SMOX: variants seen among roughly 807,000 people sequenced by gnomAD.
SMOX encodes the protein flavin containing amine oxidase.
SMOX carries 22 observed loss-of-function variants against 51.0 expected under a neutral mutation model. That is an observed-to-expected ratio of 0.43 (90% CI 0.31 to 0.62). The LOEUF is 0.62. SMOX is among the 20% of genes least tolerant of loss of function. The pLI is 0.10. For missense variants in SMOX, 566 were observed against 777.7 expected (o/e 0.73, Z 3.24); for synonymous variants, 282 against 307.8 (o/e 0.92, Z 0.88).
In SMOX at chr20:4,182,382, G is replaced by A; in HGVS notation, c.903G>A (p.Arg301=). ...GTGGCCAGGGTGGAGAGGAGCCCCG[G>A]GGGGGCAGGTGGGATGAGGATGAGC... The part of the protein sequence containing the change: ...GEGGQGGEEP[R]GGRWDEDEQW... The change falls in exon 5 of 7, where the codon CGG becomes CGA. Residue 301 remains arginine, a synonymous_variant. Transcript: ENST00000305958. This position sits in a 1 kb window ranked among gnomAD's most constrained non-coding sequence, Gnocchi z 8.4. 1 of 1,597,802 alleles carries A rather than the reference G, an allele frequency of 6.3e-7. No individual in the cohort carries two copies. The highest frequency in any genetic ancestry group is 8.5e-7 in the Non-Finnish European group (1 of 1,170,730).
rs1028759423 is a variant in SMOX, at chr20:4,159,268, C to T, written c.-27+10291C>T. ...CTAGGATTACAGGTGCCTGCCACCACGCCCGGCTAATTTTGGTATTTTTAG... is the reference window on the plus strand; with the variant it reads ...CTAGGATTACAGGTGCCTGCCACCATGCCCGGCTAATTTTGGTATTTTTAG... On this transcript the variant is annotated intron_variant, in intron 1 of 6. Transcript: ENST00000305958. Among the ~76,000 whole-genome samples, 7 of 152,112 alleles carry T rather than the reference C, an allele frequency of 4.6e-5. No individual in the cohort carries two copies. In the South Asian group the frequency reaches 1.0e-3, roughly 23 times the overall value.
chr20:4,181,913 T>C lies in SMOX; in HGVS notation c.546T>C (p.Asn182=). ...TREEVRNRIR[N]DPDDPEATKR... is the part of the protein sequence containing the mutation. The stretch of plus-strand genomic sequence containing the variant: ...AGGAGGTGCGTAACCGCATCAGGAA[T>C]GACCCTGACGACCCAGAGGCTACCA... Residue 182 remains asparagine, a synonymous_variant, in exon 4 of 7, where the codon AAT becomes AAC. Transcript: ENST00000305958. This position sits in a 1 kb window ranked among gnomAD's most constrained non-coding sequence, Gnocchi z 5.6. The C allele has an allele frequency of 6.2e-7, 1 of 1,614,140 alleles. No individual in the cohort carries two copies. The highest frequency in any genetic ancestry group is 8.5e-7 in the Non-Finnish European group (1 of 1,180,032).
rs1170136987 is a variant in SMOX at position 4,149,138 on chromosome 20, G to C, written c.-27+161G>C. ...GGCCAGCGCGGCGCTCGGGCGCTCG[G>C]GCGGGGGTGCGGGGCGTTCCGGGAG... is the stretch of plus-strand genomic sequence containing the variant. On this transcript the variant is annotated intron_variant, in intron 1 of 6. Coordinates refer to ENST00000305958, the MANE Select transcript of SMOX (RefSeq NM_175839.3). This position sits in a 1 kb window ranked among gnomAD's most constrained non-coding sequence, Gnocchi z 6.0. 6.7e-6 allele frequency among the ~76,000 whole-genome samples: 1 copy of C among 149,106 alleles called. No individual in the cohort carries two copies.
At chr20:4,164,873 G>A (rs938548020) in intron 1 of SMOX, among the ~76,000 whole-genome samples, 4 of 151,998 alleles carry the variant, frequency 2.6e-5, no homozygotes, top group Admixed American at 1.3e-4. Flanking sequence ...ATTCACCAGG[G>A]CAGTGACCGG....
At chr20:4,176,512 C>T (rs758909056) in intron 2 of SMOX, among the ~76,000 whole-genome samples, 1 of 152,152 alleles carries the variant, frequency 6.6e-6, no homozygotes, top group Non-Finnish European at 1.5e-5. Flanking sequence ...TGAAGCAGGC[C>T]TGCAAAAACA....
At chr20:4,164,707 A>C (rs559562484) in intron 1 of SMOX, among the ~76,000 whole-genome samples, 1 of 152,210 alleles carries the variant, frequency 6.6e-6, no homozygotes, top group Admixed American at 6.5e-5. Context: ...CAGGGCTGAT[A>C]CCTTGGTGTT....
chr20:4,183,554 A>C lies in SMOX; in HGVS notation c.1430A>C (p.Tyr477Ser), dbSNP rs201219336. 1.2e-6 allele frequency: 2 copies of C among 1,613,866 alleles called. No homozygotes were observed. Among genetic ancestry groups the C allele is most frequent in the African/African-American group, 1.3e-5 (1 of 74,884 alleles). The change falls in exon 6 of 7, where the codon TAC becomes TCC. Residue 477 changes from tyrosine (Y) to serine (S), a missense_variant. Physicochemically the swap from Tyr to Ser is moderately radical, Grantham distance 144. Around this residue, in one of 3 missense-constraint regions of SMOX, gnomAD observed 347 missense variants for 481.8 expected, o/e 0.72. Coordinates refer to ENST00000305958, the MANE Select transcript of SMOX (RefSeq NM_175839.3). The surrounding 1 kb of genome is among the most constrained non-coding windows in gnomAD (Gnocchi z 4.3). Reference protein sequence around the residue: ...ILRSAWGSNPYFRGSYSYTQV... With the variant: ...ILRSAWGSNPSFRGSYSYTQV... ...CGCTCGGCCTGGGGCAGCAACCCTT[A>C]CTTCCGCGGCTCCTATTCATACACG... is the stretch of plus-strand genomic sequence containing the variant.
In SMOX at chr20:4,149,820, A is replaced by G. The variant is rs997617607; in HGVS notation, c.-27+843A>G. Among the ~76,000 whole-genome samples, 53 of 152,122 alleles carry G rather than the reference A, an allele frequency of 3.5e-4. No homozygotes were observed. Among genetic ancestry groups the G allele is most frequent in the African/African-American group, 1.1e-3 (46 of 41,428 alleles). The stretch of plus-strand genomic sequence containing the variant: ...CAGAACCTGCTGTTGGTGGCACATC[A>G]CGTACCAGTCTGTGGGGGCAACTTG... On this transcript the variant is annotated intron_variant, in intron 1 of 6. Coordinates refer to ENST00000305958, the MANE Select transcript of SMOX (RefSeq NM_175839.3). This position sits in a 1 kb window ranked among gnomAD's most constrained non-coding sequence, Gnocchi z 6.0.
chr20:4,150,522 G>C (rs989157612), intron 1 of SMOX, among the ~76,000 whole-genome samples: 2 of 152,068 alleles, frequency 1.3e-5, no homozygotes, highest in Non-Finnish European at 2.9e-5. Flanking sequence ...AATGTTGGAG[G>C]GCCCCAGGGC....
chr20:4,162,909 G>T (rs999312380), intron 1 of SMOX, among the ~76,000 whole-genome samples: 7 of 152,244 alleles, frequency 4.6e-5, no homozygotes, highest in African/African-American at 1.7e-4. Context: ...GAAAGACGGG[G>T]AGGATGCGGC....
intron 1 of SMOX, among the ~76,000 whole-genome samples, chr20:4,158,860 A>G (rs192715179): frequency 6.6e-6 from 1 of 152,114 alleles, no homozygotes; most frequent in Admixed American, 6.5e-5. Flanking sequence ...GGTGGTGGTG[A>G]TACTCCTTGC....
intron 1 of SMOX, among the ~76,000 whole-genome samples, chr20:4,162,817 T>C (rs1986395946): frequency 6.6e-6 from 1 of 152,208 alleles, no homozygotes; most frequent in Non-Finnish European, 1.5e-5. Flanking sequence ...CTAGACCCCA[T>C]TCCTGCTTCC....
intron 1 of SMOX, among the ~76,000 whole-genome samples, chr20:4,168,795 G>A (rs1986690140): frequency 6.6e-6 from 1 of 151,848 alleles, no homozygotes; most frequent in Non-Finnish European, 1.5e-5. Flanking sequence ...GGCCTCAAGT[G>A]ATCCGCCCGC....
intron 1 of SMOX, among the ~76,000 whole-genome samples, chr20:4,150,814 C>T (rs1046161483): frequency 1.4e-5 from 2 of 145,120 alleles, no homozygotes; most frequent in African/African-American, 5.1e-5. Context: ...AATCGCCCAT[C>T]ATCTACTCAC....
chr20:4,158,776 C>A (rs1357836686), intron 1 of SMOX, among the ~76,000 whole-genome samples: 2 of 151,994 alleles, frequency 1.3e-5, no homozygotes, highest in African/African-American at 2.4e-5. Flanking sequence ...TGTCCTCATA[C>A]CTTCAACTGC....
chr20:4,177,331 C>T lies in SMOX; in HGVS notation c.209-20C>T. ...GGAGAAGTCCCTAAGCCTCTAAGGG[C>T]CTGCTGTTGTCACCCTCAGGACACG... is the stretch of plus-strand genomic sequence containing the variant. On this transcript the variant is annotated intron_variant, in intron 2 of 6. Coordinates refer to ENST00000305958, the MANE Select transcript of SMOX (RefSeq NM_175839.3). This position sits in a 1 kb window ranked among gnomAD's most constrained non-coding sequence, Gnocchi z 4.3. The T allele has an allele frequency of 6.5e-7, 1 of 1,549,266 alleles. No homozygotes were observed. The highest frequency in any genetic ancestry group is 8.7e-7 in the Non-Finnish European group (1 of 1,144,924).
intron 2 of SMOX, among the ~76,000 whole-genome samples, chr20:4,175,712 G>A (rs1019981138): frequency 1.3e-5 from 2 of 152,170 alleles, no homozygotes; most frequent in Non-Finnish European, 2.9e-5. Context: ...GGGCCTCCAT[G>A]TGTGTGATGG....
In SMOX at chr20:4,177,244, C is replaced by T; in HGVS notation, c.209-107C>T. ...AGTGGAAGTTCAAGCTCTTTCCTGC[C>T]CTGTTGTAGGGTGGAAAGACCCTCT... On this transcript the variant is annotated intron_variant, in intron 2 of 6. Coordinates refer to ENST00000305958, the MANE Select transcript of SMOX (RefSeq NM_175839.3). The surrounding 1 kb of genome is among the most constrained non-coding windows in gnomAD (Gnocchi z 4.3). The T allele has an allele frequency of 1.0e-6, 1 of 972,692 alleles. No individual in the cohort carries two copies. Among genetic ancestry groups the T allele is most frequent in the Non-Finnish European group, 1.5e-6 (1 of 657,686 alleles). The allele number at this position is 972,692 out of a possible 1,614,324, so 60.3% of individuals were successfully genotyped here. A position where few individuals can be genotyped will look rare whatever the true frequency, so the allele number is the denominator to read the frequency against.
At chr20:4,180,566 C>T (rs899160355) in intron 3 of SMOX, among the ~76,000 whole-genome samples, 8 of 152,184 alleles carry the variant, frequency 5.3e-5, no homozygotes, top group Non-Finnish European at 7.3e-5. Flanking sequence ...GGCCCTCCAG[C>T]GATGCCAGGG....
Sources: allele counts gnomAD v4.1 joint callset (sites outside exome capture counted in the v4.1 genomes callset), GRCh38; gene constraint gnomAD v4.1.1; regional missense constraint gnomAD v4.1.1; non-coding constraint Gnocchi (gnomAD v3.1); transcripts MANE v1.5; gene names NCBI Gene and HGNC (gene_info 2026-07-23, HGNC 2026-07-21).